The following DGKI variants were observed in gnomAD, a reference collection of about 807,000 sequenced individuals.
The protein encoded by DGKI is DAG kinase iota.
In DGKI, 55 loss-of-function variants were observed where a neutral mutation model predicts 147.5. The ratio of observed to expected loss-of-function variants is 0.37; its 90% confidence interval spans 0.30 to 0.47. DGKI has a LOEUF of 0.47. Ranked by LOEUF, DGKI falls within the 20% of genes least tolerant of loss-of-function variation. The pLI, the probability that DGKI is intolerant of heterozygous loss-of-function variation, is 1.00. For synonymous variants in DGKI, 469 were observed against 477.1 expected, an observed-to-expected ratio of 0.98 and a Z score of 0.22; for missense variants, 1,007 against 1,323.8, an observed-to-expected ratio of 0.76 and a Z score of 3.71.
At chr7:137,526,148 G>A (rs931850898) in intron 20 of DGKI, among the ~76,000 whole-genome samples, 56 of 152,100 alleles carry the variant, frequency 3.7e-4, no homozygotes, top group African/African-American at 1.3e-3. Context: ...CTGGGGAATA[G>A]CACTGCCATT....
At chr7:137,565,187 G>C (rs1818543498) in intron 19 of DGKI, among the ~76,000 whole-genome samples, 1 of 152,102 alleles carries the variant, frequency 6.6e-6, no homozygotes, top group South Asian at 2.1e-4. Flanking sequence ...CTTCATAAAG[G>C]AAACTTTGCA....
At chr7:137,826,207 A>G (rs1027240846) in intron 1 of DGKI, among the ~76,000 whole-genome samples, 2 of 152,092 alleles carry the variant, frequency 1.3e-5, no homozygotes, top group African/African-American at 4.8e-5. Context: ...TCTCTTTTCT[A>G]TGTTTCTCTA....
intron 1 of DGKI, among the ~76,000 whole-genome samples, chr7:137,714,000 T>G (rs1794296743): frequency 6.6e-6 from 1 of 152,202 alleles, no homozygotes; most frequent in Non-Finnish European, 1.5e-5. Context: ...ACTCTCCCAT[T>G]TCTACTATTT....
At chr7:137,787,485 C>A (rs559791657) in intron 1 of DGKI, among the ~76,000 whole-genome samples, 1 of 152,050 alleles carries the variant, frequency 6.6e-6, no homozygotes, top group South Asian at 2.1e-4. Flanking sequence ...GGCATGGATG[C>A]AATGAAAACA....
chr7:137,598,308 TCCC>T (rs1434314820), intron 11 of DGKI, among the ~76,000 whole-genome samples: 1 of 152,170 alleles, frequency 6.6e-6, no homozygotes, highest in African/African-American at 2.4e-5. Context: ...TCCTTATATA[TCCC>T]CTCTTTATAT....
At chr7:137,640,182 C>A (rs1821573816) in intron 6 of DGKI, among the ~76,000 whole-genome samples, 1 of 151,954 alleles carries the variant, frequency 6.6e-6, no homozygotes, top group Non-Finnish European at 1.5e-5. Flanking sequence ...TTCCCCATTT[C>A]CCCCTCCCAG....
chr7:137,694,574 A>G (rs1192303939), intron 1 of DGKI, among the ~76,000 whole-genome samples: 2 of 152,212 alleles, frequency 1.3e-5, no homozygotes, highest in Admixed American at 6.5e-5. Flanking sequence ...TCTCTTACCC[A>G]GAACACCTCC....
chr7:137,590,231 T>C (rs753116345), intron 12 of DGKI, among the ~76,000 whole-genome samples: 2 of 152,280 alleles, frequency 1.3e-5, no homozygotes, highest in Non-Finnish European at 2.9e-5. Flanking sequence ...GGCTCTTTCA[T>C]AGCAGGGAGG....
chr7:137,621,730 G>A (rs1041583977), intron 7 of DGKI, among the ~76,000 whole-genome samples: 1 of 152,190 alleles, frequency 6.6e-6, no homozygotes, highest in Admixed American at 6.5e-5. Flanking sequence ...GATTCAGTTG[G>A]ACTACAGATT....
At chr7:137,788,230 T>C (rs542533072) in intron 1 of DGKI, among the ~76,000 whole-genome samples, 137 of 152,242 alleles carry the variant, frequency 9.0e-4, no homozygotes, top group African/African-American at 2.6e-3. Context: ...CCATCCACAC[T>C]TCTTGTCAGT....
chr7:137,546,485 A>G (rs1817871460), intron 20 of DGKI, among the ~76,000 whole-genome samples: 1 of 152,160 alleles, frequency 6.6e-6, no homozygotes, highest in African/African-American at 2.4e-5. Context: ...CAAAACTTCA[A>G]CTTCCTTCAG....
At chr7:137,412,137 C>T (rs763561798) in intron 29 of DGKI, 33 bp downstream of exon 29, 19 of 1,600,536 alleles carry the variant, frequency 1.2e-5, no homozygotes, top group Non-Finnish European at 1.5e-5. Context: ...GTTCTTAAAG[C>T]ATCGCCAAAG....
rs1426138845 is a variant in DGKI at position 137,552,557 on chromosome 7, T to A, written c.1959A>T (p.Gln653His). ...GFTMASLAAL[Q>H]VGGHGERLHQ... ...GTAGCCTCTCTCCATGGCCCCCAAC[T>A]TGCAGGGCTGCCTATAAAAACAAGA... Residue 653 changes from glutamine (Q) to histidine (H), a missense_variant, in exon 20 of 33, where the codon CAA becomes CAT. By Grantham distance (24) the Gln-to-His change is conservative. Coordinates refer to ENST00000614521, the MANE Select transcript of DGKI (RefSeq NM_001321708.2). The A allele has an allele frequency of 3.1e-6, 5 of 1,614,032 alleles. No individual in the cohort carries two copies. Among genetic ancestry groups the A allele is most frequent in the Non-Finnish European group, 4.2e-6 (5 of 1,179,982 alleles).
At chr7:137,661,988 T>C (rs959293840) in intron 3 of DGKI, among the ~76,000 whole-genome samples, 4 of 152,226 alleles carry the variant, frequency 2.6e-5, no homozygotes, top group African/African-American at 9.6e-5. Flanking sequence ...CTTTGATTTA[T>C]TTAAAAACCT....
chr7:137,423,864 T>C (rs937060481), intron 28 of DGKI, among the ~76,000 whole-genome samples: 33 of 152,186 alleles, frequency 2.2e-4, no homozygotes, highest in African/African-American at 8.0e-4. Context: ...ATTTGCATTA[T>C]TTATTTATCA....
intron 1 of DGKI, among the ~76,000 whole-genome samples, chr7:137,763,031 T>C (rs1418553141): frequency 6.6e-6 from 1 of 152,270 alleles, no homozygotes; most frequent in Admixed American, 6.5e-5. Context: ...TTCCATGTTC[T>C]CTTTATTCTC....
At chr7:137,470,185 A>C (rs1346084953) in intron 23 of DGKI, among the ~76,000 whole-genome samples, 1 of 152,232 alleles carries the variant, frequency 6.6e-6, no homozygotes, top group Non-Finnish European at 1.5e-5. Context: ...ACAAGGAAGA[A>C]AAGTAGTGCC....
intron 6 of DGKI, among the ~76,000 whole-genome samples, chr7:137,628,716 T>C (rs558733152): frequency 2.8e-4 from 42 of 152,268 alleles, no homozygotes; most frequent in African/African-American, 1.0e-3. Flanking sequence ...ACCAAGAACA[T>C]TGAGGAATAA....
At chr7:137,468,108 C>T (rs1814732191) in intron 24 of DGKI, among the ~76,000 whole-genome samples, 1 of 151,590 alleles carries the variant, frequency 6.6e-6, no homozygotes, top group Non-Finnish European at 1.5e-5. Flanking sequence ...GAAAGAAAAA[C>T]TCAAAATGCA....
Sources: gnomAD v4.1 joint callset for allele counts (sites outside exome capture counted in the v4.1 genomes callset) on GRCh38, gnomAD v4.1.1 for gene constraint, MANE v1.5 for transcripts, NCBI Gene and HGNC (gene_info 2026-07-23, HGNC 2026-07-21) for gene names.